Variants in KRT72 observed in about 807,000 individuals in gnomAD.
KRT72 encodes the protein keratin 72.
A neutral mutation model predicts 44.7 loss-of-function variants in KRT72; 44 were observed. The observed-to-expected ratio is 0.98, with a 90% CI of 0.77 to 1.27. The LOEUF is 1.27. Among genes scored for constraint, KRT72 ranks in the 50% most tolerant of loss-of-function variants. KRT72 has a pLI of 0.00. For missense variants in KRT72, 736 were observed against 667.1 expected (o/e 1.10, Z -1.14); for synonymous variants, 302 against 280.4 (o/e 1.08, Z -0.77).
At chr12:52,589,799 G>A (rs1592224018) in intron 6 of KRT72, among the ~76,000 whole-genome samples, 1 of 152,176 alleles carries the variant, frequency 6.6e-6, no homozygotes, top group Non-Finnish European at 1.5e-5. Context: ...GTCAGTTTCT[G>A]GTAATAACTT....
intron 8 of KRT72, 93 bp from the exon 9 acceptor site, chr12:52,586,265 C>T (rs945500051): frequency 2.3e-5 from 24 of 1,024,610 alleles, no homozygotes; most frequent in African/African-American, 1.5e-4. Flanking sequence ...CCTTTACTCT[C>T]GCCCGCAGTG....
intron 5 of KRT72, 152 bp downstream of exon 5, chr12:52,591,312 C>T (rs1321569146): frequency 4.9e-6 from 4 of 808,856 alleles, no homozygotes; most frequent in South Asian, 2.2e-5. Flanking sequence ...GGTGGCATTT[C>T]CGCAAGGCCC....
upstream of KRT72, among the ~76,000 whole-genome samples, chr12:52,602,458 C>T (rs1194627181): frequency 1.3e-5 from 2 of 152,250 alleles, no homozygotes; most frequent in Admixed American, 1.3e-4. Context: ...GAGGCTCCTT[C>T]TTCCACCTAA....
intron 4 of KRT72, among the ~76,000 whole-genome samples, chr12:52,592,090 A>C (rs1274131714): frequency 6.6e-6 from 1 of 152,130 alleles, no homozygotes; most frequent in African/African-American, 2.4e-5. Flanking sequence ...TCTCTCTCCA[A>C]GAACCTTCAC....
chr12:52,591,574 C>G lies in KRT72; in HGVS notation c.853G>C (p.Asp285His), dbSNP rs769876314. The G allele has an allele frequency of 1.8e-5, 29 of 1,613,958 alleles. No individual in the cohort carries two copies. The highest frequency in any genetic ancestry group is 2.5e-5 in the Non-Finnish European group (29 of 1,179,868). ...ISDTSIVLSM[D>H]NNRDLDLDSI... The stretch of plus-strand genomic sequence containing the variant: ...TCCAGGTCCAGATCCCGGTTGTTGT[C>G]CATTGACAGGACGATGGACGTGTCG... Residue 285 changes from aspartate (D) to histidine (H), a missense_variant, in exon 5 of 9, where the codon GAC becomes CAC. Asp to His is a moderately conservative substitution (Grantham distance 81). Coordinates refer to ENST00000293745, the MANE Select transcript of KRT72 (RefSeq NM_080747.3).
intron 1 of KRT72, 28 bp from the exon 2 acceptor site, chr12:52,599,140 G>C (rs375981102): frequency 7.5e-6 from 12 of 1,609,922 alleles, no homozygotes; most frequent in Non-Finnish European, 1.0e-5. Flanking sequence ...TCATCGCCCA[G>C]AGTCCCCATG....
At chr12:52,592,811 C>T (rs1325790447) in intron 3 of KRT72, 81 bp downstream of exon 3, 2 of 1,231,778 alleles carry the variant, frequency 1.6e-6, no homozygotes, top group Non-Finnish European at 1.2e-6. Flanking sequence ...ACCTACAGGG[C>T]CCCTTTCCTC....
In KRT72 at chr12:52,599,015, A is replaced by G. The variant is rs1417014748; in HGVS notation, c.524T>C (p.Ile175Thr). The change falls in exon 2 of 9, where the codon ATT becomes ACT. Residue 175 changes from isoleucine to threonine, a missense_variant. Coordinates refer to ENST00000293745, the MANE Select transcript of KRT72 (RefSeq NM_080747.3). The part of the protein sequence containing the change: ...LNNCRKNLEP[I>T]YEGYISNLQK... ...CAGGTTGCTGATGTAGCCCTCATAAATGGGCTCCAGGTTCTTCCTGCAGTT... is the reference window on the plus strand; with the variant it reads ...CAGGTTGCTGATGTAGCCCTCATAAGTGGGCTCCAGGTTCTTCCTGCAGTT... The G allele has an allele frequency of 2.5e-6, 4 of 1,613,822 alleles. No individual in the cohort carries two copies. In the African/African-American group the frequency reaches 5.3e-5, roughly 22 times the overall value.
chr12:52,592,534 C>T (rs1418584407), intron 3 of KRT72, 43 bp from the exon 4 acceptor site: 2 of 1,410,652 alleles, frequency 1.4e-6, no homozygotes, highest in Non-Finnish European at 1.0e-6. Flanking sequence ...AGGGCCTCCC[C>T]TGCCCATCCC....
intron 7 of KRT72, 149 bp from the exon 8 acceptor site, chr12:52,587,129 C>A: frequency 2.8e-6 from 2 of 710,424 alleles, no homozygotes; most frequent in Non-Finnish European, 5.0e-6. Flanking sequence ...CCCAGTGCGA[C>A]CCCCACCAAG....
chr12:52,588,420 T>C (rs1016092743), intron 6 of KRT72, among the ~76,000 whole-genome samples: 7 of 152,224 alleles, frequency 4.6e-5, no homozygotes, highest in Admixed American at 4.6e-4. Flanking sequence ...AAACACCGCA[T>C]GTTCTCACTT....
At position 52,599,413 on chromosome 12, in the gene KRT72, A is replaced by T. The variant is rs1379146276; in HGVS notation, c.427-301T>A. On this transcript the variant is annotated intron_variant, in intron 1 of 8. Transcript: ENST00000293745. ...ATGCTATAAATGCTGGTGTTTTCTG[A>T]GTAAAGAGAAATGGGGAGCAGGGGA... 3 of 495,146 alleles carry T rather than the reference A, an allele frequency of 6.1e-6. No homozygotes were observed. The Admixed American group carries it at 6.9e-5, about 11-fold the overall frequency. 30.7% of individuals were successfully genotyped at this position (495,146 alleles called of 1,614,324 possible).
chr12:52,601,094 C>T lies in KRT72; in HGVS notation c.359G>A (p.Arg120Lys), dbSNP rs1378424120. The change falls in exon 1 of 9, where the codon AGG becomes AAG. Residue 120 changes from arginine to lysine, a missense_variant. Arg to Lys is a conservative substitution (Grantham distance 26). Transcript: ENST00000293745. ...LNVEMDPEIQ[R>K]VRAQEREQIK... ...CTGCTCCCGCTCCTGGGCGCGCACC[C>T]TCTGGATCTCGGGGTCCATCTCCAC... 2 of 1,612,650 alleles carry T rather than the reference C, an allele frequency of 1.2e-6. No individual in the cohort carries two copies. The highest frequency in any genetic ancestry group is 1.7e-6 in the Non-Finnish European group (2 of 1,179,554).
At chr12:52,590,001 CTG>C (rs150611671) in intron 6 of KRT72, among the ~76,000 whole-genome samples, 7 of 150,892 alleles carry the variant, frequency 4.6e-5, no homozygotes, top group Admixed American at 6.6e-5. Flanking sequence ...GTGTGTGTGT[CTG>C]TGTGTGTGTG....
At chr12:52,592,527 G>A (rs1003513413) in intron 3 of KRT72, 36 bp from the exon 4 acceptor site, 3 of 1,488,384 alleles carry the variant, frequency 2.0e-6, no homozygotes, top group Non-Finnish European at 2.8e-6. Context: ...CCCTGAGAGG[G>A]CCTCCCCTGC....
intron 7 of KRT72, 36 bp downstream of exon 7, chr12:52,587,595 A>G (rs1225769446): frequency 6.2e-7 from 1 of 1,609,906 alleles, no homozygotes; most frequent in Non-Finnish European, 8.5e-7. Flanking sequence ...AGCAGAGAGA[A>G]AACTGGTCCC....
At chr12:52,587,456 T>C (rs1229160894) in intron 7 of KRT72, among the ~76,000 whole-genome samples, 175 bp downstream of exon 7, 1 of 152,210 alleles carries the variant, frequency 6.6e-6, no homozygotes, top group African/African-American at 2.4e-5. Flanking sequence ...TTGGGATTTT[T>C]TACAACTTGG....
chr12:52,589,055 A>C (rs978490167), intron 6 of KRT72, among the ~76,000 whole-genome samples: 1 of 152,074 alleles, frequency 6.6e-6, no homozygotes, highest in Admixed American at 6.5e-5. Context: ...GCTTTGCATA[A>C]CTGCAGCTGG....
chr12:52,596,829 G>A (rs1253766277), intron 2 of KRT72, among the ~76,000 whole-genome samples: 3 of 152,216 alleles, frequency 2.0e-5, no homozygotes, highest in Non-Finnish European at 2.9e-5. Flanking sequence ...GGGATTACAG[G>A]CCACAAGAAG....
Sources: allele counts gnomAD v4.1 joint callset (sites outside exome capture counted in the v4.1 genomes callset), GRCh38; gene constraint gnomAD v4.1.1; transcripts MANE v1.5; gene names NCBI Gene and HGNC (gene_info 2026-07-23, HGNC 2026-07-21).